Variants in LINGO2 observed in about 807,000 individuals in gnomAD.
The protein encoded by LINGO2 is leucine rich repeat and Ig domain containing 2, also known as leucine-rich repeat and immunoglobulin-like domain-containing nogo receptor-interacting protein 2.
Under a neutral mutation model 30.6 loss-of-function variants are expected in LINGO2, and 14 were observed. The observed-to-expected ratio is 0.46, with a 90% CI of 0.30 to 0.72. The LOEUF is 0.72. LINGO2 is among the 30% of genes least tolerant of loss of function. The pLI, the probability that LINGO2 is intolerant of heterozygous loss-of-function variation, is 0.07. For synonymous variants in LINGO2, 317 were observed against 288.5 expected, an observed-to-expected ratio of 1.10 and a Z score of -1.00; for missense variants, 729 against 751.7, an observed-to-expected ratio of 0.97 and a Z score of 0.35.
At chr9:28,374,654 T>C (rs1470698947) in intron 2 of LINGO2, among the ~76,000 whole-genome samples, 4 of 152,082 alleles carry the variant, frequency 2.6e-5, no homozygotes, top group African/African-American at 9.7e-5. Context: ...AGCTCAGCAG[T>C]AATTGTTTAG....
the LINGO2 span, among the ~76,000 whole-genome samples, chr9:29,149,743 C>A: frequency 2.0e-5 from 3 of 152,108 alleles, no homozygotes; most frequent in Non-Finnish European, 4.4e-5. Flanking sequence ...TACGTGGAGC[C>A]CAAAGGGGTT....
the LINGO2 span, among the ~76,000 whole-genome samples, chr9:28,802,401 TATA>T: frequency 6.6e-6 from 1 of 152,066 alleles, no homozygotes; most frequent in Admixed American, 6.6e-5. Flanking sequence ...AGCAGTTGTC[TATA>T]ATCATTTAAA....
intron 2 of LINGO2, among the ~76,000 whole-genome samples, chr9:28,408,545 T>C (rs1234130331): frequency 3.4e-5 from 5 of 148,848 alleles, no homozygotes; most frequent in African/African-American, 9.9e-5. Flanking sequence ...CTGCATGTTC[T>C]CACTCATAGG....
intron 4 of LINGO2, among the ~76,000 whole-genome samples, chr9:28,199,656 G>A (rs924207786): frequency 2.6e-5 from 4 of 151,878 alleles, no homozygotes; most frequent in African/African-American, 9.7e-5. Flanking sequence ...ATTTTTAGGT[G>A]GCTCAGCTTG....
intron 5 of LINGO2, among the ~76,000 whole-genome samples, chr9:28,000,888 C>A (rs1174160503): frequency 6.6e-6 from 1 of 152,204 alleles, no homozygotes; most frequent in East Asian, 1.9e-4. Context: ...AAAACATATT[C>A]CCACCTGCCT....
At chr9:28,004,302 AT>A (rs1212011065) in intron 5 of LINGO2, among the ~76,000 whole-genome samples, 46 of 152,326 alleles carry the variant, frequency 3.0e-4, no homozygotes, top group African/African-American at 1.0e-3. Context: ...AATTTAATGT[AT>A]ATTTAAATAG....
chr9:28,675,352 C>T, the LINGO2 span, among the ~76,000 whole-genome samples: 1 of 152,010 alleles, frequency 6.6e-6, no homozygotes, highest in Non-Finnish European at 1.5e-5. Flanking sequence ...GTAATCATTG[C>T]AGTTGATCAA....
chr9:28,967,005 C>A, the LINGO2 span, among the ~76,000 whole-genome samples: 9 of 152,164 alleles, frequency 5.9e-5, no homozygotes, highest in South Asian at 1.9e-3. Context: ...AATTACTCTT[C>A]AAGATTTCAC....
chr9:28,360,290 T>C (rs1045073868), intron 3 of LINGO2, among the ~76,000 whole-genome samples: 4 of 152,176 alleles, frequency 2.6e-5, no homozygotes, highest in Admixed American at 6.5e-5. Context: ...AAGGACTCCA[T>C]CTTTTATCAT....
intron 1 of LINGO2, among the ~76,000 whole-genome samples, chr9:28,565,451 C>G (rs887370198): frequency 2.0e-5 from 3 of 151,348 alleles, no homozygotes; most frequent in Non-Finnish European, 4.4e-5. Flanking sequence ...TCCCAAAGTG[C>G]TGGGATTGTA....
At chr9:28,284,097 T>G (rs1823422467) in intron 4 of LINGO2, among the ~76,000 whole-genome samples, 1 of 152,126 alleles carries the variant, frequency 6.6e-6, no homozygotes, top group African/African-American at 2.4e-5. Flanking sequence ...AACTCCATAG[T>G]CTACTGTAAC....
the LINGO2 span, among the ~76,000 whole-genome samples, chr9:28,859,730 TC>T: frequency 6.6e-6 from 1 of 152,024 alleles, no homozygotes; most frequent in African/African-American, 2.4e-5. Flanking sequence ...TTACCATTCT[TC>T]AAATCAATTT....
chr9:28,238,067 C>T (rs532783416), intron 4 of LINGO2, among the ~76,000 whole-genome samples: 6 of 151,998 alleles, frequency 3.9e-5, no homozygotes, highest in South Asian at 2.1e-4. Flanking sequence ...TTAGTCAATT[C>T]GGCATAAGGA....
intron 4 of LINGO2, among the ~76,000 whole-genome samples, chr9:28,079,661 T>G (rs1366751461): frequency 1.3e-5 from 2 of 152,198 alleles, no homozygotes; most frequent in African/African-American, 4.8e-5. Flanking sequence ...TCCTGGAGGT[T>G]GAACTGCCAC....
At chr9:29,012,080 G>A in the LINGO2 span, among the ~76,000 whole-genome samples, 2 of 152,204 alleles carry the variant, frequency 1.3e-5, no homozygotes, top group African/African-American at 4.8e-5. Flanking sequence ...ATTAATGGCT[G>A]GGCACGGTGG....
intron 2 of LINGO2, among the ~76,000 whole-genome samples, chr9:28,438,572 G>C (rs1028648747): frequency 3.3e-5 from 5 of 151,998 alleles, no homozygotes; most frequent in African/African-American, 1.2e-4. Flanking sequence ...GGACTTTTAG[G>C]CTTCCATGAT....
intron 3 of LINGO2, among the ~76,000 whole-genome samples, chr9:28,319,155 T>G (rs1824948170): frequency 6.6e-6 from 1 of 152,222 alleles, no homozygotes; most frequent in African/African-American, 2.4e-5. Flanking sequence ...GATCTACACA[T>G]GAAATCAAAT....
the LINGO2 span, among the ~76,000 whole-genome samples, chr9:28,885,276 G>C: frequency 6.8e-6 from 1 of 147,952 alleles, no homozygotes; most frequent in Non-Finnish European, 1.5e-5. Flanking sequence ...TGTGGAAGTG[G>C]TGGCGACCAG....
rs10968278 is a variant in LINGO2, at chr9:28,011,343, A to G, written c.-36+1012T>C. 0.014 allele frequency among the ~76,000 whole-genome samples: 2,064 copies of G among 152,296 alleles called. 224 individuals carry two copies. The East Asian group carries it at 0.28, about 21-fold the overall frequency. ...GTGAGACAGGCCTGGATATTTGGAG[A>G]AAAGGAATCAAATACTGTGTACATC... On this transcript the variant is annotated intron_variant, in intron 5 of 5. Coordinates refer to ENST00000379992, the Ensembl canonical transcript of LINGO2.
Sources: gnomAD v4.1 joint callset for allele counts (sites outside exome capture counted in the v4.1 genomes callset) on GRCh38, gnomAD v4.1.1 for gene constraint, MANE v1.5 for transcripts, NCBI Gene and HGNC (gene_info 2026-07-23, HGNC 2026-07-21) for gene names.